Variants in OPHN1 observed in about 807,000 individuals in gnomAD.
OPHN1 encodes the protein oligophrenin 1.
In OPHN1, 11 loss-of-function variants were observed where a neutral mutation model predicts 60.7. The ratio of observed to expected loss-of-function variants is 0.18; its 90% CI spans 0.11 to 0.30. The LOEUF is 0.30. OPHN1 is among the 10% of genes least tolerant of loss of function. The probability of loss-of-function intolerance (pLI) is 1.00; values close to 1 mark genes in which losing one functional copy is unlikely to be tolerated. For missense variants in OPHN1, 449 were observed against 611.0 expected (o/e 0.73, Z 2.80); for synonymous variants, 226 against 222.6 (o/e 1.02, Z -0.14).
intron 23 of OPHN1, among the ~76,000 whole-genome samples, chrX:68,049,897 G>T (rs928435700): frequency 2.7e-5 from 3 of 111,755 alleles, no homozygotes. Context: ...TTATGTTCTT[G>T]ATGAGCCACT....
chrX:68,237,490 A>G (rs2077758542), intron 5 of OPHN1, among the ~76,000 whole-genome samples: 1 of 111,898 alleles, frequency 8.9e-6, no homozygotes, highest in African/African-American at 3.2e-5. Flanking sequence ...TCATGAACAC[A>G]GCTTGTCTTT....
intron 15 of OPHN1, among the ~76,000 whole-genome samples, chrX:68,122,258 G>A (rs1358069279): frequency 1.8e-5 from 2 of 112,083 alleles, no homozygotes; most frequent in East Asian, 2.8e-4. Flanking sequence ...AGGTGGTACC[G>A]CTACAAATCT....
At chrX:68,367,667 C>A (rs888852140) in intron 2 of OPHN1, among the ~76,000 whole-genome samples, 1 of 111,506 alleles carries the variant, frequency 9.0e-6, no homozygotes, top group Admixed American at 9.6e-5. Flanking sequence ...TGGCTCTGTG[C>A]CCCCGCCCAA....
intron 2 of OPHN1, among the ~76,000 whole-genome samples, chrX:68,314,216 C>G (rs1321967639): frequency 8.9e-6 from 1 of 111,827 alleles, no homozygotes; most frequent in African/African-American, 3.2e-5. Context: ...GAGATTGAAT[C>G]AGTAATCAAA....
At chrX:68,254,198 G>A (rs139704518) in intron 5 of OPHN1, among the ~76,000 whole-genome samples, 3,574 of 111,143 alleles carry the variant, frequency 0.032, 54 homozygotes, top group Non-Finnish European at 0.047. Context: ...GCAGCATGAA[G>A]GTAGCAAAAG....
intron 3 of OPHN1, among the ~76,000 whole-genome samples, chrX:68,289,971 G>A (rs1387513733): frequency 9.0e-6 from 1 of 110,609 alleles, no homozygotes; most frequent in African/African-American, 3.3e-5. Flanking sequence ...TTGTACACAA[G>A]TACAGCTATA....
rs1478801531 is a variant in OPHN1 at position 68,196,142 on chromosome X, TC to T, written c.1104+1043del. On this transcript the variant is annotated intron_variant, in intron 12 of 24. Coordinates refer to ENST00000355520, the MANE Select transcript of OPHN1 (RefSeq NM_002547.3). Reference sequence around the variant, plus strand: ...ACCTTCCAGTTTACTATAAGTGCAATCTGGGATCTAGTTACCCCTCTAAATT... The same window carrying T: ...ACCTTCCAGTTTACTATAAGTGCAATTGGGATCTAGTTACCCCTCTAAATT... Among the ~76,000 whole-genome samples, 171 of 111,885 alleles carry T rather than the reference TC, an allele frequency of 1.5e-3. 2 individuals are homozygous for T. Among genetic ancestry groups the T allele is most frequent in the Non-Finnish European group, 5.1e-4 (27 of 53,168 alleles).
chrX:68,324,644 A>G (rs2147665290), intron 2 of OPHN1, among the ~76,000 whole-genome samples: 1 of 109,479 alleles, frequency 9.1e-6, no homozygotes, highest in South Asian at 3.9e-4. Flanking sequence ...AAATAAAAAT[A>G]AATAATAATT....
intron 9 of OPHN1, 58 bp from the exon 10 acceptor site, chrX:68,206,731 CA>C (rs2077561171): frequency 1.1e-6 from 1 of 895,630 alleles, no homozygotes; most frequent in Non-Finnish European, 1.6e-6. Context: ...TATAGGAAGT[CA>C]ACCCTAAGAT....
intron 15 of OPHN1, among the ~76,000 whole-genome samples, chrX:68,168,119 C>T (rs1186895951): frequency 9.1e-6 from 1 of 110,286 alleles, no homozygotes; most frequent in African/African-American, 3.3e-5. Flanking sequence ...ACAAGGATAC[C>T]CAGGAATTGA....
intron 2 of OPHN1, among the ~76,000 whole-genome samples, chrX:68,426,338 G>C (rs1376337414): frequency 9.3e-6 from 1 of 107,140 alleles, no homozygotes; most frequent in Non-Finnish European, 1.9e-5. Context: ...CTACTTGGGA[G>C]GCTGAGGCAC....
chrX:68,284,887 G>A (rs2078034154), intron 3 of OPHN1, among the ~76,000 whole-genome samples: 1 of 112,134 alleles, frequency 8.9e-6, no homozygotes, highest in South Asian at 3.7e-4. Flanking sequence ...CCCTCCATGT[G>A]TGTGAATTTC....
intron 6 of OPHN1, among the ~76,000 whole-genome samples, chrX:68,223,334 A>C (rs2077672885): frequency 8.9e-6 from 1 of 112,628 alleles, no homozygotes; most frequent in African/African-American, 3.2e-5. Context: ...TAGTAGGTAT[A>C]TATGTGTGCA....
intron 5 of OPHN1, among the ~76,000 whole-genome samples, chrX:68,264,707 C>G (rs895176714): frequency 8.9e-6 from 1 of 112,160 alleles, no homozygotes; most frequent in African/African-American, 3.2e-5. Flanking sequence ...GTGCACCAAG[C>G]ATGAGCCAAA....
At chrX:68,197,288 T>C in intron 11 of OPHN1, 24 bp from the exon 12 acceptor site, 1 of 1,148,719 alleles carries the variant, frequency 8.7e-7, no homozygotes. Flanking sequence ...AAATGGTAAG[T>C]ATAAAGCAGA....
intron 2 of OPHN1, among the ~76,000 whole-genome samples, chrX:68,432,373 A>G (rs1350016264): frequency 8.9e-6 from 1 of 111,917 alleles, no homozygotes; most frequent in South Asian, 3.7e-4. Flanking sequence ...TTCCTTAAAA[A>G]ATAACTTGCC....
chrX:68,374,989 GA>G (rs1277298221), intron 2 of OPHN1, among the ~76,000 whole-genome samples: 1 of 112,183 alleles, frequency 8.9e-6, no homozygotes, highest in Non-Finnish European at 1.9e-5. Context: ...AGGATAGAGA[GA>G]AGCTGGAATT....
chrX:68,227,672 A>G (rs1186797098), intron 6 of OPHN1, among the ~76,000 whole-genome samples: 1 of 111,663 alleles, frequency 9.0e-6, no homozygotes, highest in Non-Finnish European at 1.9e-5. Flanking sequence ...TATATAACGA[A>G]ATGAAGGCAA....
intron 5 of OPHN1, among the ~76,000 whole-genome samples, chrX:68,273,656 T>G (rs1225231507): frequency 8.9e-6 from 1 of 112,055 alleles, no homozygotes; most frequent in Admixed American, 9.5e-5. Context: ...TAATTTAATT[T>G]TATTTAAATA....
Sources: allele counts gnomAD v4.1 joint callset (sites outside exome capture counted in the v4.1 genomes callset), GRCh38; gene constraint gnomAD v4.1.1; transcripts MANE v1.5; gene names NCBI Gene and HGNC (gene_info 2026-07-23, HGNC 2026-07-21).